The following AP3D1 variants were observed in gnomAD, a reference collection of about 807,000 sequenced individuals.
AP3D1 encodes adaptor related protein complex 3 subunit delta 1, also known as AP-3 complex subunit delta-1.
AP3D1 carries 51 observed loss-of-function variants against 147.6 expected under a neutral mutation model. The observed-to-expected ratio is 0.35, with a 90% confidence interval of 0.28 to 0.44. AP3D1 has a LOEUF of 0.44. Among genes scored for constraint, AP3D1 ranks in the 20% least tolerant of loss-of-function variants. The pLI, the probability that AP3D1 is intolerant of heterozygous loss-of-function variation, is 1.00. For missense variants in AP3D1, 1,421 were observed against 1,624.2 expected, an observed-to-expected ratio of 0.87 and a Z score of 2.15; for synonymous variants, 760 against 663.0, an observed-to-expected ratio of 1.15 and a Z score of -2.25.
chr19:2,156,193 G>C (rs531593796), upstream of AP3D1, among the ~76,000 whole-genome samples: 1 of 152,284 alleles, frequency 6.6e-6, no homozygotes, highest in African/African-American at 2.4e-5. Context: ...TCAAAGTAGG[G>C]GCAGCTTCTC....
chr19:2,104,848 T>A (rs115820524), intron 31 of AP3D1, among the ~76,000 whole-genome samples: 173 of 151,998 alleles, frequency 1.1e-3, no homozygotes, highest in East Asian at 8.5e-3. Flanking sequence ...CTAATTTTTT[T>A]AATTTTTTGT....
chr19:2,106,023 G>A (rs775400767), intron 31 of AP3D1, among the ~76,000 whole-genome samples: 8 of 152,026 alleles, frequency 5.3e-5, no homozygotes, highest in African/African-American at 1.7e-4. Flanking sequence ...CTTGAACCCG[G>A]GAGGAGCTGC....
chr19:2,123,297 A>G, intron 11 of AP3D1, 61 bp downstream of exon 11: 2 of 1,518,528 alleles, frequency 1.3e-6, no homozygotes, highest in Non-Finnish European at 1.8e-6. Flanking sequence ...CACTAGGAGG[A>G]CCCCTAACTT....
At chr19:2,132,088 C>T (rs113070519) in intron 5 of AP3D1, among the ~76,000 whole-genome samples, 19 of 152,212 alleles carry the variant, frequency 1.2e-4, no homozygotes, top group African/African-American at 3.6e-4. Context: ...GGGGCGTAGC[C>T]TTTGACAAGC....
intron 5 of AP3D1, among the ~76,000 whole-genome samples, chr19:2,131,797 A>G (rs1255210067): frequency 7.3e-6 from 1 of 136,198 alleles, no homozygotes; most frequent in Non-Finnish European, 1.5e-5. Flanking sequence ...GACCGCGCCC[A>G]TCGGCCACGA....
intron 4 of AP3D1, among the ~76,000 whole-genome samples, chr19:2,135,477 G>A (rs369267298): frequency 2.8e-4 from 43 of 151,980 alleles, no homozygotes; most frequent in East Asian, 1.9e-3. Context: ...CAGAGGTTGC[G>A]GTGAGCCGAC....
intron 1 of AP3D1, among the ~76,000 whole-genome samples, chr19:2,146,853 T>G (rs2238610): frequency 6.6e-6 from 1 of 151,774 alleles, no homozygotes; most frequent in Non-Finnish European, 1.5e-5. Flanking sequence ...CCAAGAGACA[T>G]TCTGGTCTGG....
chr19:2,120,267 A>G (rs1322411975), intron 14 of AP3D1, among the ~76,000 whole-genome samples: 1 of 152,232 alleles, frequency 6.6e-6, no homozygotes, highest in Non-Finnish European at 1.5e-5. Context: ...GAGCCTGCCC[A>G]GCAGTGGCTG....
chr19:2,134,831 C>T (rs2019037465), intron 4 of AP3D1, among the ~76,000 whole-genome samples: 1 of 150,550 alleles, frequency 6.6e-6, no homozygotes, highest in Non-Finnish European at 1.5e-5. Context: ...AAACTCCCAA[C>T]CTCAGAAGAT....
At chr19:2,117,114 C>T (rs1320400228) in intron 16 of AP3D1, 108 bp downstream of exon 16, 6 of 1,399,714 alleles carry the variant, frequency 4.3e-6, no homozygotes, top group Non-Finnish European at 5.7e-6. Flanking sequence ...CCAATCAGCC[C>T]CACACCCTCC....
chr19:2,111,849 G>C (rs1002186652), intron 24 of AP3D1, 21 bp from the exon 25 acceptor site: 22 of 1,612,740 alleles, frequency 1.4e-5, no homozygotes, highest in Non-Finnish European at 1.9e-5. Flanking sequence ...AGGAGGGTCG[G>C]GTTCAGTGCC....
At chr19:2,127,513 G>GT (rs1000762370) in intron 8 of AP3D1, among the ~76,000 whole-genome samples, 2 of 152,050 alleles carry the variant, frequency 1.3e-5, no homozygotes, top group Non-Finnish European at 2.9e-5. Flanking sequence ...CTTTTCTAGA[G>GT]TTTTTTTTGT....
chr19:2,150,415 G>A (rs780589549), intron 1 of AP3D1, among the ~76,000 whole-genome samples: 1 of 152,230 alleles, frequency 6.6e-6, no homozygotes, highest in African/African-American at 2.4e-5. Context: ...ACAGGTTGGG[G>A]GAAGGGAGGA....
intron 1 of AP3D1, among the ~76,000 whole-genome samples, chr19:2,139,009 A>T (rs1405176084): frequency 6.2e-5 from 9 of 144,802 alleles, no homozygotes; most frequent in African/African-American, 2.3e-4. Flanking sequence ...GCACTGAGCC[A>T]AGATGACACC....
At chr19:2,129,835 A>G (rs2018885713) in intron 6 of AP3D1, among the ~76,000 whole-genome samples, 1 of 151,688 alleles carries the variant, frequency 6.6e-6, no homozygotes, top group Non-Finnish European at 1.5e-5. Flanking sequence ...CATGCCCACC[A>G]CTCCAGGGAG....
At chr19:2,109,710 G>A (rs914860687) in intron 29 of AP3D1, 163 bp downstream of exon 29, 2 of 670,952 alleles carry the variant, frequency 3.0e-6, no homozygotes, top group South Asian at 1.7e-5. Flanking sequence ...CCCGGCTGGC[G>A]CAGACACCAG....
rs112882310 is a variant in AP3D1 at position 2,142,713 on chromosome 19, C to T, written c.97-3999G>A. On this transcript the variant is annotated intron_variant, in intron 1 of 31. Coordinates refer to ENST00000643116, the MANE Select transcript of AP3D1 (RefSeq NM_001261826.3). ...TCACCCAGCTCATGAGAGCAAAGCCCGGTCCCCCTCACCCCAATGGGGGCT... is the reference window on the plus strand; with the variant it reads ...TCACCCAGCTCATGAGAGCAAAGCCTGGTCCCCCTCACCCCAATGGGGGCT... Among the ~76,000 whole-genome samples the T allele has an allele frequency of 4.3e-4, 65 of 152,036 alleles. 2 individuals carry two copies. The highest frequency in any genetic ancestry group is 1.5e-3 in the African/African-American group (63 of 41,464).
chr19:2,145,635 G>A (rs908083804), intron 1 of AP3D1, among the ~76,000 whole-genome samples: 1 of 152,076 alleles, frequency 6.6e-6, no homozygotes, highest in Admixed American at 6.6e-5. Context: ...CCTGCCCTCT[G>A]GTCTTCCTGG....
At position 2,112,851 on chromosome 19, in the gene AP3D1, C is replaced by G; in HGVS notation, c.2787+9G>C. On this transcript the variant is annotated intron_variant, in intron 24 of 31. Transcript: ENST00000643116. ...CCCTCCACAGCCCCTGGGGGAGTGACAGCCTCACCTTGTCCTGGTCTTGCC... is the reference window on the plus strand; with the variant it reads ...CCCTCCACAGCCCCTGGGGGAGTGAGAGCCTCACCTTGTCCTGGTCTTGCC... 1 of 1,604,038 alleles carries G rather than the reference C, an allele frequency of 6.2e-7. No homozygotes were observed. Among genetic ancestry groups the G allele is most frequent in the South Asian group, 1.1e-5 (1 of 89,676 alleles).
Sources: allele counts gnomAD v4.1 joint callset (sites outside exome capture counted in the v4.1 genomes callset), GRCh38; gene constraint gnomAD v4.1.1; transcripts MANE v1.5; gene names NCBI Gene and HGNC (gene_info 2026-07-23, HGNC 2026-07-21).